Variants in ELAC2 observed in about 807,000 individuals in gnomAD.
ELAC2 encodes the protein zinc phosphodiesterase ELAC protein 2.
ELAC2 carries 92 observed loss-of-function variants against 105.2 expected under a neutral mutation model. The ratio of observed to expected loss-of-function variants is 0.87; its 90% confidence interval spans 0.74 to 1.04. The LOEUF is 1.04. ELAC2 is among the 50% of genes least tolerant of loss of function. ELAC2 has a pLI of 0.00. For missense variants in ELAC2, 1,099 were observed against 1,071.7 expected (o/e 1.03, Z -0.36); for synonymous variants, 468 against 409.1 (o/e 1.14, Z -1.74).
chr17:13,017,801 C>T lies in ELAC2; in HGVS notation c.147G>A (p.Ser49=). ...CGGTGTTTGGGCCGCCGGAGCACCC[C>T]GACGGTCCGCGCTTCTCTCGCGTGC... ...HLRTREKRGP[S]GCSGGPNTVY... is the part of the protein sequence containing the mutation. The change falls in exon 1 of 24, where the codon TCG becomes TCA. Residue 49 remains serine, a synonymous_variant. Coordinates refer to ENST00000338034, the MANE Select transcript of ELAC2 (RefSeq NM_018127.7). The T allele has an allele frequency of 1.2e-6, 2 of 1,604,732 alleles. No individual in the cohort carries two copies. Among genetic ancestry groups the T allele is most frequent in the South Asian group, 1.1e-5 (1 of 89,982 alleles).
At chr17:12,999,831 G>C (rs922366785) in intron 15 of ELAC2, among the ~76,000 whole-genome samples, 3 of 152,142 alleles carry the variant, frequency 2.0e-5, no homozygotes, top group South Asian at 4.1e-4. Context: ...GCTAATTTTT[G>C]TATTTTTAGT....
intron 17 of ELAC2, 48 bp downstream of exon 17, chr17:12,996,499 G>A (rs1433608975): frequency 6.2e-7 from 1 of 1,612,372 alleles, no homozygotes; most frequent in Non-Finnish European, 8.5e-7. Flanking sequence ...ACTCAACGTG[G>A]CAGTGCCTCC....
rs2143678388 is a variant in ELAC2 at position 13,014,490 on chromosome 17, A to AT, written c.438dup (p.Tyr147IlefsTer30). 6.2e-7 allele frequency: 1 copy of AT among 1,612,682 alleles called. No homozygotes were observed. The highest frequency in any genetic ancestry group is 1.1e-5 in the South Asian group (1 of 91,058). The stretch of plus-strand genomic sequence containing the variant: ...GAAAATATTTTGATTGCTTCGAGGT[A>AT]TTTTTCCTAATGAAAAACAAAGAAA... On this transcript the variant is annotated frameshift_variant, in exon 5 of 24. Transcript: ENST00000338034. LOFTEE classifies it high-confidence loss of function.
intron 21 of ELAC2, 29 bp downstream of exon 21, chr17:12,994,735 C>T: frequency 6.2e-7 from 1 of 1,613,658 alleles, no homozygotes; most frequent in Non-Finnish European, 8.5e-7. Context: ...AGAGCAACCT[C>T]AGGGTGGCTT....
chr17:13,010,675 AG>A lies in ELAC2; in HGVS notation c.680-5del, dbSNP rs747401599. 3.1e-6 allele frequency: 5 copies of A among 1,613,854 alleles called. No individual in the cohort carries two copies. Among genetic ancestry groups the A allele is most frequent in the Non-Finnish European group, 4.2e-6 (5 of 1,179,786 alleles). On this transcript the variant is annotated splice_polypyrimidine_tract_variant and splice_region_variant and intron_variant, in intron 7 of 23. Coordinates refer to ENST00000338034, the MANE Select transcript of ELAC2 (RefSeq NM_018127.7). ...ACCCCTCTTCTCTGGCTAACACCTGAGGAAAAACACACTTGATTATCACAAG... is the reference window on the plus strand; with the variant it reads ...ACCCCTCTTCTCTGGCTAACACCTGAGAAAAACACACTTGATTATCACAAG...
At chr17:13,013,527 T>G (rs1280490828) in intron 5 of ELAC2, among the ~76,000 whole-genome samples, 1 of 152,136 alleles carries the variant, frequency 6.6e-6, no homozygotes, top group African/African-American at 2.4e-5. Context: ...CGTTAAAAAT[T>G]GAAAAACAAG....
At position 13,016,618 on chromosome 17, in the gene ELAC2, C is replaced by T. The variant is rs528777086; in HGVS notation, c.367+244G>A. On this transcript the variant is annotated intron_variant, in intron 3 of 23. Coordinates refer to ENST00000338034, the MANE Select transcript of ELAC2 (RefSeq NM_018127.7). Reference sequence around the variant, plus strand: ...ATAGCAAAACCCCGTCGCTACAAAACATACAAAAAAAATTAGCCAGGTGTG... The same window carrying T: ...ATAGCAAAACCCCGTCGCTACAAAATATACAAAAAAAATTAGCCAGGTGTG... 2.0e-5 allele frequency among the ~76,000 whole-genome samples: 3 copies of T among 151,756 alleles called. No individual in the cohort carries two copies. In the South Asian group the frequency reaches 6.3e-4, roughly 32 times the overall value.
chr17:13,017,204 C>T (rs2041784963), intron 1 of ELAC2, 83 bp from the exon 2 acceptor site: 1 of 1,214,364 alleles, frequency 8.2e-7, no homozygotes, highest in Non-Finnish European at 1.2e-6. Context: ...TTATTGTAGA[C>T]TCTGGAAAAA....
chr17:12,997,392 T>C (rs1209364488), intron 16 of ELAC2, among the ~76,000 whole-genome samples: 3 of 152,170 alleles, frequency 2.0e-5, no homozygotes, highest in Non-Finnish European at 4.4e-5. Context: ...CTGAGAGGGC[T>C]GCACCCATTT....
chr17:12,995,651 G>A, intron 19 of ELAC2, 52 bp downstream of exon 19: 1 of 1,539,024 alleles, frequency 6.5e-7, no homozygotes, highest in Non-Finnish European at 8.8e-7. Context: ...AGCTTCTGAA[G>A]GAGACGGCAG....
chr17:13,010,934 C>T (rs912345838), intron 7 of ELAC2, among the ~76,000 whole-genome samples: 8 of 152,158 alleles, frequency 5.3e-5, no homozygotes, highest in Admixed American at 6.5e-5. Context: ...TTAAATGACA[C>T]ATTTCACCTA....
intron 17 of ELAC2, chr17:12,996,277 G>T (rs2143566523): frequency 3.1e-6 from 2 of 636,054 alleles, no homozygotes; most frequent in Non-Finnish European, 5.5e-6. Flanking sequence ...AGCTTCCGCT[G>T]AGCAGGCCGT....
intron 14 of ELAC2, among the ~76,000 whole-genome samples, chr17:13,001,256 G>A (rs1403570412): frequency 6.6e-6 from 1 of 152,222 alleles, no homozygotes; most frequent in African/African-American, 2.4e-5. Context: ...ACTTTGGGAG[G>A]CTGAGGTGGG....
At chr17:12,998,747 C>T (rs1395014407) in intron 15 of ELAC2, among the ~76,000 whole-genome samples, 1 of 152,080 alleles carries the variant, frequency 6.6e-6, no homozygotes, top group Non-Finnish European at 1.5e-5. Flanking sequence ...TCTCAGGAGA[C>T]TGCATTACTT....
At chr17:13,006,896 T>A (rs1598243592) in intron 8 of ELAC2, among the ~76,000 whole-genome samples, 1 of 151,376 alleles carries the variant, frequency 6.6e-6, no homozygotes, top group African/African-American at 2.4e-5. Context: ...CCGAGGCGGG[T>A]AGATCATGAG....
intron 15 of ELAC2, among the ~76,000 whole-genome samples, chr17:12,999,386 T>C (rs1487923198): frequency 6.6e-6 from 1 of 152,150 alleles, no homozygotes; most frequent in Non-Finnish European, 1.5e-5. Context: ...AGGTCTCCAG[T>C]GAAGATGGTA....
intron 16 of ELAC2, among the ~76,000 whole-genome samples, 187 bp downstream of exon 16, chr17:12,998,225 G>A (rs1040445220): frequency 6.4e-5 from 9 of 139,860 alleles, no homozygotes; most frequent in African/African-American, 2.0e-4. Flanking sequence ...TGATTCCCAG[G>A]GTAAAGTTTG....
intron 14 of ELAC2, chr17:13,000,622 G>T (rs751618733): frequency 3.1e-5 from 11 of 357,580 alleles, no homozygotes; most frequent in Non-Finnish European, 6.0e-5. Flanking sequence ...GTTTCCAGAT[G>T]TTGCCAAATG....
At position 12,994,409 on chromosome 17, in the gene ELAC2, G is replaced by T; in HGVS notation, c.2108+16C>A. The T allele has an allele frequency of 6.2e-7, 1 of 1,614,130 alleles. No homozygotes were observed. The stretch of plus-strand genomic sequence containing the variant: ...GGAGAGGATGTGGGCGACAAGGACT[G>T]ACCGGCCTTTGCTACCTGTGTGTCT... On this transcript the variant is annotated intron_variant, in intron 22 of 23. Coordinates refer to ENST00000338034, the MANE Select transcript of ELAC2 (RefSeq NM_018127.7).
Sources: gnomAD v4.1 joint callset for allele counts (sites outside exome capture counted in the v4.1 genomes callset) on GRCh38, gnomAD v4.1.1 for gene constraint, MANE v1.5 for transcripts, NCBI Gene and HGNC (gene_info 2026-07-23, HGNC 2026-07-21) for gene names.